MGAT4C: variants seen among roughly 807,000 people sequenced by gnomAD.
MGAT4C encodes the protein alpha-1,3-mannosyl-glycoprotein 4-beta-N-acetylglucosaminyltransferase C.
MGAT4C carries 19 observed loss-of-function variants against 40.1 expected under a neutral mutation model. The ratio of observed to expected loss-of-function variants is 0.47; its 90% confidence interval spans 0.33 to 0.70. The LOEUF (loss-of-function observed/expected upper bound fraction) is 0.70. Among genes scored for constraint, MGAT4C ranks in the 30% least tolerant of loss-of-function variants. The probability of loss-of-function intolerance (pLI) is 0.02; values close to 1 mark genes in which losing one functional copy is unlikely to be tolerated. For synonymous variants in MGAT4C, 181 were observed against 187.1 expected (o/e 0.97, Z 0.27); for missense variants, 491 against 563.2 (o/e 0.87, Z 1.30).
chr12:86,769,903 C>T (rs980480068), intron 1 of MGAT4C, among the ~76,000 whole-genome samples: 4 of 152,054 alleles, frequency 2.6e-5, no homozygotes, highest in Admixed American at 2.6e-4. Flanking sequence ...AGGAGATATA[C>T]CTAATGCTAA....
intron 2 of MGAT4C, among the ~76,000 whole-genome samples, chr12:86,033,582 T>C (rs1056391618): frequency 1.3e-5 from 2 of 149,742 alleles, no homozygotes; most frequent in African/African-American, 4.8e-5. Context: ...GAAATGCTAC[T>C]AATTTTGGTA....
chr12:86,025,944 G>A (rs1211139249), intron 2 of MGAT4C, among the ~76,000 whole-genome samples: 1 of 151,584 alleles, frequency 6.6e-6, no homozygotes, highest in Non-Finnish European at 1.5e-5. Flanking sequence ...ATACATATAT[G>A]TTTTTAAACT....
intron 2 of MGAT4C, among the ~76,000 whole-genome samples, chr12:86,020,743 A>C (rs1051023827): frequency 2.6e-4 from 39 of 152,344 alleles, no homozygotes; most frequent in Non-Finnish European, 4.7e-4. Context: ...AATGGGATCT[A>C]ATTAAACTAA....
chr12:86,142,071 C>T (rs145081116), intron 1 of MGAT4C, among the ~76,000 whole-genome samples: 17 of 152,248 alleles, frequency 1.1e-4, no homozygotes, highest in Non-Finnish European at 2.1e-4. Context: ...ATTACTGACT[C>T]CCCTGGCTTT....
In MGAT4C at chr12:86,022,203, A is replaced by G. The variant is rs145137613; in HGVS notation, c.-7+27471T>C. Among the ~76,000 whole-genome samples the G allele has an allele frequency of 2.1e-3, 327 of 152,366 alleles. 2 individuals are homozygous for G. The highest frequency in any genetic ancestry group is 0.01 in the Middle Eastern group (3 of 294). On this transcript the variant is annotated intron_variant, in intron 2 of 4. Coordinates refer to ENST00000611864, the MANE Select transcript of MGAT4C (RefSeq NM_001351288.2). Reference sequence around the variant, plus strand: ...AGCTTAACTAGAACAGAAAAATACTACAGAGGAAATGCAGTAAAAACACAT... The same window carrying G: ...AGCTTAACTAGAACAGAAAAATACTGCAGAGGAAATGCAGTAAAAACACAT...
At chr12:85,988,411 A>AT (rs898852877) in intron 3 of MGAT4C, among the ~76,000 whole-genome samples, 64 of 151,012 alleles carry the variant, frequency 4.2e-4, no homozygotes, top group Non-Finnish European at 6.5e-4. Context: ...AATCTAAAGC[A>AT]TTTTTTTTTG....
At chr12:86,770,082 G>T (rs939998841) in intron 1 of MGAT4C, among the ~76,000 whole-genome samples, 1 of 151,962 alleles carries the variant, frequency 6.6e-6, no homozygotes, top group Non-Finnish European at 1.5e-5. Context: ...CAATAGATTA[G>T]TATATGATGT....
chr12:86,700,242 T>A (rs1282853077), intron 2 of MGAT4C, among the ~76,000 whole-genome samples: 1 of 152,016 alleles, frequency 6.6e-6, no homozygotes, highest in Non-Finnish European at 1.5e-5. Flanking sequence ...TGATGCATAA[T>A]TTTTCTGGCA....
chr12:86,665,954 G>A (rs1233710779), intron 2 of MGAT4C, among the ~76,000 whole-genome samples: 2 of 152,110 alleles, frequency 1.3e-5, no homozygotes, highest in Non-Finnish European at 1.5e-5. Context: ...CATTATATAT[G>A]TGGGGTTTTT....
At chr12:85,982,872 A>G (rs974535685) in intron 4 of MGAT4C, among the ~76,000 whole-genome samples, 1 of 152,186 alleles carries the variant, frequency 6.6e-6, no homozygotes, top group Non-Finnish European at 1.5e-5. Flanking sequence ...AAAGACACAG[A>G]AAGACAAAGA....
At chr12:86,822,078 A>C (rs1450847366) in intron 1 of MGAT4C, among the ~76,000 whole-genome samples, 2 of 151,132 alleles carry the variant, frequency 1.3e-5, no homozygotes, top group Non-Finnish European at 3.0e-5. Flanking sequence ...TAAAGTGTAG[A>C]GTTTTATAAG....
intron 1 of MGAT4C, among the ~76,000 whole-genome samples, chr12:86,248,726 G>A (rs1465023767): frequency 6.6e-6 from 1 of 152,048 alleles, no homozygotes; most frequent in Non-Finnish European, 1.5e-5. Context: ...CTATCAGAAT[G>A]CCTATAACAT....
Position 85,968,228 on chromosome 12 carries a change from T to A in MGAT4C, c.*11061A>T, listed in dbSNP as rs1883455668. The A allele has an allele frequency of 6.6e-6, 1 of 152,054 alleles. No homozygotes were observed. Among genetic ancestry groups the A allele is most frequent in the Non-Finnish European group, 1.5e-5 (1 of 67,932 alleles). The allele number at this position is 152,054 out of a possible 1,614,324, so 9.4% of individuals were successfully genotyped here. A position where few individuals can be genotyped will look rare whatever the true frequency, so the allele number is the denominator to read the frequency against. On this transcript the variant is annotated 3_prime_UTR_variant, in exon 5 of 5. Coordinates refer to ENST00000611864, the MANE Select transcript of MGAT4C (RefSeq NM_001351288.2). ...TTCTTTCTTGAATATGTTTAGTTAA[T>A]TTTGTGGAAAGAGGAAGGCAGCTCA...
chr12:86,707,752 A>C (rs2136626212), intron 2 of MGAT4C, among the ~76,000 whole-genome samples: 1 of 152,112 alleles, frequency 6.6e-6, no homozygotes, highest in Non-Finnish European at 1.5e-5. Context: ...GCTGGTCTTA[A>C]ACTCCTGAGC....
chr12:86,616,481 C>T (rs565034448), intron 2 of MGAT4C, among the ~76,000 whole-genome samples: 2 of 152,160 alleles, frequency 1.3e-5, no homozygotes, highest in East Asian at 1.9e-4. Flanking sequence ...CAATAGTGAA[C>T]GTTGACATTT....
At chr12:86,747,639 C>G (rs749917003) in intron 1 of MGAT4C, among the ~76,000 whole-genome samples, 2 of 151,452 alleles carry the variant, frequency 1.3e-5, no homozygotes, top group Non-Finnish European at 3.0e-5. Context: ...CTATAGTTTT[C>G]TCTTAGTTAA....
At chr12:85,994,533 A>G (rs1020444651) in intron 2 of MGAT4C, among the ~76,000 whole-genome samples, 4 of 152,110 alleles carry the variant, frequency 2.6e-5, no homozygotes, top group African/African-American at 9.7e-5. Context: ...TAAAGAAGCT[A>G]ATAAAGCCAT....
intron 1 of MGAT4C, among the ~76,000 whole-genome samples, chr12:86,175,795 C>CAAAAAAAAAA (rs61441239): frequency 4.8e-5 from 4 of 83,668 alleles, no homozygotes; most frequent in Non-Finnish European, 8.9e-5. Context: ...ACTAAAAATA[C>CAAAAAAAAAA]AAAAAAAAAA....
In MGAT4C at chr12:85,992,964, G is replaced by C. The variant is rs138002062; in HGVS notation, c.-6-3412C>G. Among the ~76,000 whole-genome samples, 23 of 152,340 alleles carry C rather than the reference G, an allele frequency of 1.5e-4. No homozygotes were observed. The East Asian group carries it at 4.4e-3, about 29-fold the overall frequency. On this transcript the variant is annotated intron_variant, in intron 2 of 4. Coordinates refer to ENST00000611864, the MANE Select transcript of MGAT4C (RefSeq NM_001351288.2). ...TCCAGCAGGGGAATCAACCCCCTTTGCTCTTCCCTATGCGGGTTCTCTCTT... is the reference window on the plus strand; with the variant it reads ...TCCAGCAGGGGAATCAACCCCCTTTCCTCTTCCCTATGCGGGTTCTCTCTT...
Sources: gnomAD v4.1 joint callset for allele counts (sites outside exome capture counted in the v4.1 genomes callset) on GRCh38, gnomAD v4.1.1 for gene constraint, MANE v1.5 for transcripts, NCBI Gene and HGNC (gene_info 2026-07-23, HGNC 2026-07-21) for gene names.